NDST4: variants seen among roughly 807,000 people sequenced by gnomAD.
NDST4 encodes N-heparan sulfate sulfotransferase 4.
NDST4 carries 63 observed loss-of-function variants against 100.8 expected under a neutral mutation model. The ratio of observed to expected loss-of-function variants is 0.62; its 90% confidence interval spans 0.51 to 0.77. The LOEUF (loss-of-function observed/expected upper bound fraction) is 0.77, where lower values mean the gene tolerates loss of function less well. NDST4 is among the 30% of genes least tolerant of loss of function. NDST4 has a pLI of 0.00. For synonymous variants in NDST4, 377 were observed against 361.8 expected (o/e 1.04, Z -0.48); for missense variants, 943 against 1,018.4 (o/e 0.93, Z 1.01).
intron 6 of NDST4, among the ~76,000 whole-genome samples, chr4:114,921,379 A>T (rs1389483105): frequency 1.3e-5 from 2 of 152,180 alleles, no homozygotes; most frequent in Non-Finnish European, 2.9e-5. Flanking sequence ...AATGAACTAA[A>T]AGCCTTTGTA....
chr4:114,845,269 C>G (rs1355340293), intron 10 of NDST4, among the ~76,000 whole-genome samples: 1 of 152,146 alleles, frequency 6.6e-6, no homozygotes, highest in African/African-American at 2.4e-5. Context: ...GAGGGAGAGG[C>G]TGCAGTGAGC....
intron 1 of NDST4, among the ~76,000 whole-genome samples, chr4:115,079,832 T>A (rs1012404938): frequency 3.3e-5 from 5 of 152,186 alleles, no homozygotes; most frequent in African/African-American, 1.2e-4. Flanking sequence ...CATTTTATAT[T>A]TCTATGTTCT....
chr4:114,917,207 A>G (rs928899314), intron 6 of NDST4, among the ~76,000 whole-genome samples: 13 of 152,188 alleles, frequency 8.5e-5, no homozygotes, highest in African/African-American at 2.7e-4. Flanking sequence ...GTATTGTTCC[A>G]AGAATAATGG....
intron 6 of NDST4, among the ~76,000 whole-genome samples, chr4:114,918,086 C>T (rs978984325): frequency 3.3e-5 from 5 of 152,026 alleles, no homozygotes; most frequent in Non-Finnish European, 5.9e-5. Flanking sequence ...AAAATGATTA[C>T]AAGGTATCTT....
chr4:114,940,937 G>A (rs1046706590), intron 4 of NDST4, among the ~76,000 whole-genome samples: 11 of 152,106 alleles, frequency 7.2e-5, no homozygotes, highest in Non-Finnish European at 1.0e-4. Context: ...TGCCAGTGGT[G>A]GAGCCTGGGG....
intron 2 of NDST4, among the ~76,000 whole-genome samples, chr4:115,058,921 T>C (rs1728757568): frequency 6.6e-6 from 1 of 151,938 alleles, no homozygotes; most frequent in Non-Finnish European, 1.5e-5. Context: ...AAAAATTAAA[T>C]GGTTTCATAG....
Position 115,021,832 on chromosome 4 carries a change from A to G in NDST4, c.979-44558T>C, listed in dbSNP as rs191796412. ...TTCCATATATATACCTTCCACATCT[A>G]TACACATTCCATATATATACGTTCC... On this transcript the variant is annotated intron_variant, in intron 2 of 13. Coordinates refer to ENST00000264363, the MANE Select transcript of NDST4 (RefSeq NM_022569.3). 3.3e-3 allele frequency among the ~76,000 whole-genome samples: 494 copies of G among 151,210 alleles called. 4 individuals are homozygous for G. The highest frequency in any genetic ancestry group is 9.2e-3 in the African/African-American group (376 of 41,080).
intron 7 of NDST4, among the ~76,000 whole-genome samples, chr4:114,864,357 G>C (rs1723979618): frequency 6.6e-6 from 1 of 152,134 alleles, no homozygotes; most frequent in South Asian, 2.1e-4. Context: ...TGCTATAAAA[G>C]GCATCTTTTA....
chr4:114,934,926 A>T (rs1725594979), intron 6 of NDST4: 1 of 173,204 alleles, frequency 5.8e-6, no homozygotes, highest in African/African-American at 2.4e-5. Context: ...CTTGAAAAAA[A>T]TAACAATGGA....
intron 1 of NDST4, among the ~76,000 whole-genome samples, chr4:115,104,231 T>G (rs899911227): frequency 3.3e-5 from 5 of 152,146 alleles, no homozygotes; most frequent in African/African-American, 1.2e-4. Context: ...CTTTTTACTT[T>G]CAGCCTGGGT....
chr4:115,063,964 T>G (rs1398333017), intron 2 of NDST4, among the ~76,000 whole-genome samples: 2 of 152,014 alleles, frequency 1.3e-5, no homozygotes, highest in Non-Finnish European at 2.9e-5. Context: ...TTCAAGAAAT[T>G]GCTCTCAGCT....
chr4:115,090,546 T>C (rs1729497013), intron 1 of NDST4, among the ~76,000 whole-genome samples: 2 of 152,052 alleles, frequency 1.3e-5, no homozygotes. Flanking sequence ...TTATATTTGA[T>C]ATTTTTTTCT....
At chr4:114,999,653 G>C (rs539606571) in intron 2 of NDST4, among the ~76,000 whole-genome samples, 1 of 152,160 alleles carries the variant, frequency 6.6e-6, no homozygotes, top group East Asian at 1.9e-4. Flanking sequence ...CTTATTCATG[G>C]AATGGTAAAA....
At chr4:115,011,865 A>C (rs1290760360) in intron 2 of NDST4, among the ~76,000 whole-genome samples, 1 of 151,992 alleles carries the variant, frequency 6.6e-6, no homozygotes, top group African/African-American at 2.4e-5. Context: ...TTGCAAGTTC[A>C]TGAAGCAGTG....
intron 6 of NDST4, among the ~76,000 whole-genome samples, chr4:114,921,224 T>C (rs1395732931): frequency 2.0e-5 from 3 of 152,208 alleles, no homozygotes; most frequent in Non-Finnish European, 4.4e-5. Context: ...AAAAATTGTT[T>C]AGAGCAACCA....
intron 3 of NDST4, among the ~76,000 whole-genome samples, chr4:114,974,891 C>A (rs1726595428): frequency 6.6e-6 from 1 of 152,098 alleles, no homozygotes; most frequent in South Asian, 2.1e-4. Flanking sequence ...GATTAAATGT[C>A]TTCAAAACAA....
intron 2 of NDST4, among the ~76,000 whole-genome samples, chr4:115,074,111 TAC>T: frequency 6.6e-6 from 1 of 151,842 alleles, no homozygotes; most frequent in African/African-American, 2.4e-5. Context: ...AATAAATACA[TAC>T]ACACACACAT....
chr4:115,021,126 C>A (rs1727802834), intron 2 of NDST4, among the ~76,000 whole-genome samples: 1 of 151,972 alleles, frequency 6.6e-6, no homozygotes, highest in Non-Finnish European at 1.5e-5. Context: ...TTTATAGCAG[C>A]ACAATTCGCA....
At chr4:115,087,495 G>GA (rs1729431732) in intron 1 of NDST4, among the ~76,000 whole-genome samples, 1 of 151,612 alleles carries the variant, frequency 6.6e-6, no homozygotes, top group Non-Finnish European at 1.5e-5. Context: ...TTCTTCTCTA[G>GA]AATTTTTTTC....
Sources: allele counts gnomAD v4.1 joint callset (sites outside exome capture counted in the v4.1 genomes callset), GRCh38; gene constraint gnomAD v4.1.1; transcripts MANE v1.5; gene names NCBI Gene and HGNC (gene_info 2026-07-23, HGNC 2026-07-21).